ERO1B: variants seen among roughly 807,000 people sequenced by gnomAD.
ERO1B encodes ERO1-like protein beta.
A neutral mutation model predicts 75.3 loss-of-function variants in ERO1B; 49 were observed. That is an observed-to-expected ratio of 0.65 (90% CI 0.52 to 0.83). The LOEUF is 0.83. Among genes scored for constraint, ERO1B ranks in the 40% least tolerant of loss-of-function variants. ERO1B has a pLI of 0.00. For synonymous variants in ERO1B, 191 were observed against 192.9 expected (o/e 0.99, Z 0.08); for missense variants, 512 against 560.1 (o/e 0.91, Z 0.87).
intron 9 of ERO1B, among the ~76,000 whole-genome samples, chr1:236,232,027 T>TA (rs1664422789): frequency 6.6e-6 from 1 of 152,214 alleles, no homozygotes; most frequent in Admixed American, 6.5e-5. Context: ...CAACATGCAC[T>TA]ATCCAATTGT....
At chr1:236,241,961 G>A (rs537107015) in intron 6 of ERO1B, among the ~76,000 whole-genome samples, 4 of 151,698 alleles carry the variant, frequency 2.6e-5, no homozygotes, top group East Asian at 3.9e-4. Flanking sequence ...CCAGCTACTC[G>A]GGAGGCTGAG....
At position 236,281,743 on chromosome 1, in the gene ERO1B, A is replaced by AC; in HGVS notation, c.40dup (p.Val14GlyfsTer28). ...GACCAGCAGCTGCACCGCGGCCGCT[A>AC]CCCCCTGCCCAGCGCCTGCCCGGCG... On this transcript the variant is annotated frameshift_variant, in exon 1 of 16. Coordinates refer to ENST00000354619, the MANE Select transcript of ERO1B (RefSeq NM_019891.4). LOFTEE classifies it high-confidence loss of function. The AC allele has an allele frequency of 1.3e-6, 2 of 1,511,838 alleles. No homozygotes were observed. Among genetic ancestry groups the AC allele is most frequent in the South Asian group, 1.2e-5 (1 of 81,010 alleles). 93.7% of individuals were successfully genotyped at this position (1,511,838 alleles called of 1,614,324 possible).
rs1036223386 is a variant in ERO1B, at chr1:236,279,692, A to C, written c.102+1990T>G. On this transcript the variant is annotated intron_variant, in intron 1 of 15. Transcript: ENST00000354619. ...GAAAAAAAAAAAAAACACACACACA[A>C]AAATTAGCCAGGCGCGGTGGCAAGC... Among the ~76,000 whole-genome samples, 13 of 146,470 alleles carry C rather than the reference A, an allele frequency of 8.9e-5. No homozygotes were observed. In the South Asian group the frequency reaches 1.1e-3, roughly 13 times the overall value.
At chr1:236,246,496 T>C (rs949862506) in intron 5 of ERO1B, among the ~76,000 whole-genome samples, 1 of 152,106 alleles carries the variant, frequency 6.6e-6, no homozygotes, top group Non-Finnish European at 1.5e-5. Flanking sequence ...ATTTCTGAAA[T>C]GGCCCCAAAG....
In ERO1B at chr1:236,220,764, AGAT is replaced by A. The variant is rs1342649697; in HGVS notation, c.1343+65_1343+67del. The A allele has an allele frequency of 2.1e-6, 3 of 1,417,664 alleles. No homozygotes were observed. In the African/African-American group the frequency reaches 4.4e-5, roughly 21 times the overall value. 87.8% of individuals were successfully genotyped at this position (1,417,664 alleles called of 1,614,324 possible). On this transcript the variant is annotated intron_variant, in intron 15 of 15. Coordinates refer to ENST00000354619, the MANE Select transcript of ERO1B (RefSeq NM_019891.4). ...AAACAAACCCTACTTTTAGCAAAGA[AGAT>A]TATCTTTGCAGTTTGTTGAAACCCA...
At chr1:236,261,292 G>A (rs1630318) in intron 2 of ERO1B, among the ~76,000 whole-genome samples, 66,346 of 152,010 alleles carry the variant, frequency 0.44, 17,159 homozygotes, top group Non-Finnish European at 0.59. Flanking sequence ...CATAGTACTG[G>A]AAGTTCTAGT....
intron 1 of ERO1B, among the ~76,000 whole-genome samples, chr1:236,275,269 T>G (rs1301948094): frequency 2.0e-5 from 3 of 152,208 alleles, no homozygotes; most frequent in Non-Finnish European, 4.4e-5. Context: ...CTGACACAAA[T>G]CTCAGGTCCT....
At chr1:236,236,067 G>C (rs1664534704) in intron 7 of ERO1B, among the ~76,000 whole-genome samples, 1 of 152,124 alleles carries the variant, frequency 6.6e-6, no homozygotes, top group African/African-American at 2.4e-5. Context: ...TGGGATTACA[G>C]GCACCTGCCA....
At chr1:236,241,912 CAA>C (rs1404603321) in intron 6 of ERO1B, among the ~76,000 whole-genome samples, 1 of 151,550 alleles carries the variant, frequency 6.6e-6, no homozygotes, top group Admixed American at 6.6e-5. Flanking sequence ...ACTAAATATA[CAA>C]AAAATTAGCT....
chr1:236,255,034 T>C (rs1206820261), intron 2 of ERO1B, among the ~76,000 whole-genome samples: 1 of 151,864 alleles, frequency 6.6e-6, no homozygotes, highest in Non-Finnish European at 1.5e-5. Context: ...GTGATCTTTG[T>C]ACCTCAGCCT....
At chr1:236,256,636 G>C (rs1665167287) in intron 2 of ERO1B, among the ~76,000 whole-genome samples, 1 of 152,156 alleles carries the variant, frequency 6.6e-6, no homozygotes. Context: ...CCCTGCTAGG[G>C]GGGCATGAGA....
intron 9 of ERO1B, among the ~76,000 whole-genome samples, chr1:236,231,234 G>A (rs1002748188): frequency 6.6e-6 from 1 of 152,048 alleles, no homozygotes; most frequent in African/African-American, 2.4e-5. Context: ...ATACAGAAGG[G>A]CTTGACTAAT....
chr1:236,253,903 CAAATT>C (rs1281366559), intron 2 of ERO1B, among the ~76,000 whole-genome samples: 1 of 152,138 alleles, frequency 6.6e-6, no homozygotes, highest in Non-Finnish European at 1.5e-5. Context: ...TTGAAGGAAA[CAAATT>C]AAATATTTGT....
At chr1:236,243,739 ATAAT>A (rs1194229187) in intron 5 of ERO1B, among the ~76,000 whole-genome samples, 13 of 152,182 alleles carry the variant, frequency 8.5e-5, no homozygotes, top group African/African-American at 2.9e-4. Flanking sequence ...CTAGTCAATA[ATAAT>A]TATTTCAAGG....
rs1165306419 is a variant in ERO1B at position 236,218,331 on chromosome 1, T to C, written c.*185A>G. On this transcript the variant is annotated 3_prime_UTR_variant, in exon 16 of 16. Transcript: ENST00000354619. ...ACATGTTTTAAAAGTATATACTTCA[T>C]TTATAAATATCTCTAGTTGATAATA... 5 of 370,714 alleles carry C rather than the reference T, an allele frequency of 1.3e-5. No individual in the cohort carries two copies. The highest frequency in any genetic ancestry group is 1.7e-5 in the Non-Finnish European group (4 of 231,480). The allele number at this position is 370,714 out of a possible 1,614,324, so 23.0% of individuals were successfully genotyped here. A position where few individuals can be genotyped will look rare whatever the true frequency, so the allele number is the denominator to read the frequency against.
chr1:236,238,672 T>C (rs934707595), intron 6 of ERO1B, among the ~76,000 whole-genome samples: 1 of 151,696 alleles, frequency 6.6e-6, no homozygotes, highest in Non-Finnish European at 1.5e-5. Flanking sequence ...CTGAATTATA[T>C]ATAAGCTTCA....
chr1:236,241,603 A>G (rs1257899735), intron 6 of ERO1B, among the ~76,000 whole-genome samples: 1 of 152,192 alleles, frequency 6.6e-6, no homozygotes, highest in African/African-American at 2.4e-5. Flanking sequence ...ATATATGAAC[A>G]TTACAACTCA....
intron 5 of ERO1B, among the ~76,000 whole-genome samples, chr1:236,243,893 A>G (rs190970550): frequency 1.3e-5 from 2 of 152,288 alleles, no homozygotes; most frequent in African/African-American, 4.8e-5. Flanking sequence ...TTTTAATTTA[A>G]ATTGTGTCTA....
At chr1:236,247,827 C>A (rs985278477) in intron 5 of ERO1B, among the ~76,000 whole-genome samples, 9 of 152,266 alleles carry the variant, frequency 5.9e-5, no homozygotes, top group South Asian at 2.1e-4. Context: ...TGGGGGTTTT[C>A]AACTAACATT....
Sources: allele counts gnomAD v4.1 joint callset (sites outside exome capture counted in the v4.1 genomes callset), GRCh38; gene constraint gnomAD v4.1.1; transcripts MANE v1.5; gene names NCBI Gene and HGNC (gene_info 2026-07-23, HGNC 2026-07-21).